Variants in LRFN2 observed in about 807,000 individuals in gnomAD.
The protein encoded by LRFN2 is leucine rich repeat and fibronectin type III domain containing 2.
In LRFN2, 18 loss-of-function variants were observed where a neutral mutation model predicts 37.3. The observed-to-expected ratio is 0.48, with a 90% CI of 0.33 to 0.72. The LOEUF (loss-of-function observed/expected upper bound fraction) is 0.72, where lower values mean the gene tolerates loss of function less well. Among genes scored for constraint, LRFN2 ranks in the 30% least tolerant of loss-of-function variants. The pLI, the probability that LRFN2 is intolerant of heterozygous loss-of-function variation, is 0.02. For synonymous variants in LRFN2, 556 were observed against 466.6 expected (o/e 1.19, Z -2.47); for missense variants, 1,006 against 1,060.7 (o/e 0.95, Z 0.72).
intron 1 of LRFN2, among the ~76,000 whole-genome samples, chr6:40,477,375 T>A (rs1277378914): frequency 6.6e-6 from 1 of 152,160 alleles, no homozygotes; most frequent in Non-Finnish European, 1.5e-5. Flanking sequence ...CAAGGGATGG[T>A]GACACCTGGC....
intron 2 of LRFN2, among the ~76,000 whole-genome samples, chr6:40,415,477 C>T (rs1351586290): frequency 6.6e-6 from 1 of 152,120 alleles, no homozygotes; most frequent in Non-Finnish European, 1.5e-5. Flanking sequence ...CCACCCACCT[C>T]GACCTCCCAA....
intron 2 of LRFN2, among the ~76,000 whole-genome samples, chr6:40,421,459 T>C (rs1008223917): frequency 6.6e-6 from 1 of 152,146 alleles, no homozygotes; most frequent in African/African-American, 2.4e-5. Flanking sequence ...GGTGGGTCGC[T>C]TTGAGGTAAT....
chr6:40,469,162 A>T (rs1764540167), intron 1 of LRFN2, among the ~76,000 whole-genome samples: 2 of 152,136 alleles, frequency 1.3e-5, no homozygotes, highest in South Asian at 4.2e-4. Flanking sequence ...GTGATGACCG[A>T]GGCAGGGGTT....
intron 1 of LRFN2, among the ~76,000 whole-genome samples, chr6:40,481,014 T>A (rs889705804): frequency 2.0e-5 from 3 of 152,196 alleles, no homozygotes; most frequent in Admixed American, 6.5e-5. Flanking sequence ...CTCTCTAGAA[T>A]GCTTATATAT....
At chr6:40,572,597 G>T (rs1767208627) in intron 1 of LRFN2, among the ~76,000 whole-genome samples, 1 of 152,264 alleles carries the variant, frequency 6.6e-6, no homozygotes, top group Non-Finnish European at 1.5e-5. Flanking sequence ...GTTTTATGGG[G>T]CTTGGGGCCC....
intron 1 of LRFN2, among the ~76,000 whole-genome samples, chr6:40,575,973 C>T (rs1197869577): frequency 6.6e-6 from 1 of 152,096 alleles, no homozygotes; most frequent in Non-Finnish European, 1.5e-5. Context: ...TTTAGAATAG[C>T]ACAGGGCTCA....
intron 1 of LRFN2, among the ~76,000 whole-genome samples, chr6:40,433,717 G>A (rs1260222469): frequency 6.6e-6 from 1 of 152,240 alleles, no homozygotes; most frequent in Non-Finnish European, 1.5e-5. Context: ...AGTTGGTGCT[G>A]AGAGACTCCA....
intron 2 of LRFN2, among the ~76,000 whole-genome samples, chr6:40,400,152 T>TG (rs950964938): frequency 6.6e-5 from 10 of 151,882 alleles, no homozygotes; most frequent in Non-Finnish European, 1.2e-4. Context: ...GTTAAAGCCC[T>TG]GGGGGTCGTT....
Position 40,431,986 on chromosome 6 carries a change from G to A in LRFN2, c.1128C>T (p.Ile376=), listed in dbSNP as rs1415588413. 16 of 1,613,406 alleles carry A rather than the reference G, an allele frequency of 9.9e-6. No homozygotes were observed. The highest frequency in any genetic ancestry group is 2.2e-5 in the South Asian group (2 of 91,086). The change falls in exon 2 of 3, where the codon ATC becomes ATT. Residue 376 remains isoleucine (I), a synonymous_variant. Transcript: ENST00000338305. Reference sequence around the variant, plus strand: ...TGTTGCTGAGGTGTGGCAGCTGGACGATGGAGACCTCCACCATGGCCGTGG... The same window carrying A: ...TGTTGCTGAGGTGTGGCAGCTGGACAATGGAGACCTCCACCATGGCCGTGG... The part of the protein sequence containing the change: ...GEATAMVEVS[I]VQLPHLSNST...
chr6:40,561,682 G>T (rs1327642828), intron 1 of LRFN2, among the ~76,000 whole-genome samples: 1 of 152,226 alleles, frequency 6.6e-6, no homozygotes, highest in African/African-American at 2.4e-5. Flanking sequence ...TGGAAAAGCT[G>T]ACATAAAAGC....
chr6:40,467,843 G>A (rs1764504489), intron 1 of LRFN2, among the ~76,000 whole-genome samples: 1 of 152,104 alleles, frequency 6.6e-6, no homozygotes, highest in African/African-American at 2.4e-5. Context: ...AGAAATCTGA[G>A]CCTTAGGGTG....
chr6:40,431,734 G>C lies in LRFN2; in HGVS notation c.1380C>G (p.Asp460Glu). 1.3e-6 allele frequency: 2 copies of C among 1,515,578 alleles called. No individual in the cohort carries two copies. Among genetic ancestry groups the C allele is most frequent in the Non-Finnish European group, 1.8e-6 (2 of 1,131,980 alleles). The allele number at this position is 1,515,578 out of a possible 1,614,324, so 93.9% of individuals were successfully genotyped here. ...CTCACCTGTAAATCAGTACCTCATC[G>C]TCAGAGCAGTTGTACTGCAGCTGGT... ...KMYQLQYNCS[D>E]DEVLIYRMIP... The change falls in exon 2 of 3, where the codon GAC becomes GAG. Residue 460 changes from aspartate (D) to glutamate (E), a missense_variant. Around this residue, in one of 4 missense-constraint regions of LRFN2, gnomAD observed 120 missense variants for 178.4 expected, o/e 0.67. Transcript: ENST00000338305.
In LRFN2 at chr6:40,431,729, T is replaced by C; in HGVS notation, c.1385A>G (p.Glu462Gly). The C allele has an allele frequency of 6.6e-7, 1 of 1,515,108 alleles. No individual in the cohort carries two copies. The allele number at this position is 1,515,108 out of a possible 1,614,324, so 93.9% of individuals were successfully genotyped here. A position where few individuals can be genotyped will look rare whatever the true frequency, so the allele number is the denominator to read the frequency against. The change falls in exon 2 of 3, where the codon GAG becomes GGG. Residue 462 changes from glutamate to glycine, a missense_variant. Coordinates refer to ENST00000338305, the MANE Select transcript of LRFN2 (RefSeq NM_020737.3). Reference protein sequence around the residue: ...YQLQYNCSDDEVLIYRMIPAS... With the variant: ...YQLQYNCSDDGVLIYRMIPAS... Reference sequence around the variant, plus strand: ...GCTTGCTCACCTGTAAATCAGTACCTCATCGTCAGAGCAGTTGTACTGCAG... The same window carrying C: ...GCTTGCTCACCTGTAAATCAGTACCCCATCGTCAGAGCAGTTGTACTGCAG...
chr6:40,476,639 T>C lies in LRFN2; in HGVS notation c.-18-43508A>G, dbSNP rs146142707. ...ACTCTTGGTCTCTAGAAGCCCTCCT[T>C]TATAACTTTCCAGACAGAGTTAATC... On this transcript the variant is annotated intron_variant, in intron 1 of 2. Transcript: ENST00000338305. 1.1e-4 allele frequency among the ~76,000 whole-genome samples: 16 copies of C among 152,356 alleles called. 1 individual carries two copies. The East Asian group carries it at 2.9e-3, about 28-fold the overall frequency.
intron 1 of LRFN2, among the ~76,000 whole-genome samples, chr6:40,527,583 A>T (rs1398689151): frequency 6.6e-6 from 1 of 152,248 alleles, no homozygotes; most frequent in African/African-American, 2.4e-5. Flanking sequence ...AGCCTGAAAT[A>T]TAAGAAGGAA....
At chr6:40,430,049 A>T (rs1273289699) in intron 2 of LRFN2, among the ~76,000 whole-genome samples, 1 of 152,224 alleles carries the variant, frequency 6.6e-6, no homozygotes, top group South Asian at 2.1e-4. Context: ...TTCAGTAAAG[A>T]CTATGACTTT....
intron 1 of LRFN2, among the ~76,000 whole-genome samples, chr6:40,465,996 A>G (rs1361281692): frequency 1.3e-5 from 2 of 152,214 alleles, no homozygotes; most frequent in Non-Finnish European, 2.9e-5. Context: ...AAGGCCCTAC[A>G]GTCTACCAGG....
chr6:40,558,271 T>C (rs1561907354), intron 1 of LRFN2, among the ~76,000 whole-genome samples: 1 of 152,220 alleles, frequency 6.6e-6, no homozygotes, highest in Non-Finnish European at 1.5e-5. Context: ...CAGCAGCCTG[T>C]GTCCCCTGGC....
chr6:40,417,755 G>T (rs1180864114), intron 2 of LRFN2, among the ~76,000 whole-genome samples: 1 of 152,094 alleles, frequency 6.6e-6, no homozygotes, highest in Non-Finnish European at 1.5e-5. Context: ...ATGCTGCTTT[G>T]TTCCCTACCT....
Sources: allele counts gnomAD v4.1 joint callset (sites outside exome capture counted in the v4.1 genomes callset), GRCh38; gene constraint gnomAD v4.1.1; regional missense constraint gnomAD v4.1.1; transcripts MANE v1.5; gene names NCBI Gene and HGNC (gene_info 2026-07-23, HGNC 2026-07-21).